Variants in NSA2 observed in about 807,000 individuals in gnomAD.
NSA2 encodes ribosome biogenesis protein NSA2 homolog.
Under a neutral mutation model 34.8 loss-of-function variants are expected in NSA2, and 18 were observed. That is an observed-to-expected ratio of 0.52 (90% CI 0.36 to 0.77). NSA2 has a LOEUF of 0.77. Among genes scored for constraint, NSA2 ranks in the 30% least tolerant of loss-of-function variants. NSA2 has a pLI of 0.00. For missense variants in NSA2, 188 were observed against 314.7 expected (o/e 0.60, Z 3.05); for synonymous variants, 79 against 100.2 (o/e 0.79, Z 1.26).
chr5:74,772,868 C>T (rs112523243), intron 4 of NSA2, among the ~76,000 whole-genome samples: 1 of 152,146 alleles, frequency 6.6e-6, no homozygotes, highest in African/African-American at 2.4e-5. Context: ...CATCCCCATG[C>T]ACACAAAAAT....
In NSA2 at chr5:74,777,102, TTTG is replaced by T. The variant is rs1274824148; in HGVS notation, c.*434_*436del. 6.5e-6 allele frequency: 1 copy of T among 154,426 alleles called. No individual in the cohort carries two copies. The highest frequency in any genetic ancestry group is 1.4e-5 in the Non-Finnish European group (1 of 69,698). The allele number at this position is 154,426 out of a possible 1,614,324, so 9.6% of individuals were successfully genotyped here. A position where few individuals can be genotyped will look rare whatever the true frequency, so the allele number is the denominator to read the frequency against. ...TAATACAGATGTTAAGTTTATAGTG[TTTG>T]TTTACACTAGAAGTATGTGAGAAGA... On this transcript the variant is annotated 3_prime_UTR_variant, in exon 6 of 6. Coordinates refer to ENST00000610426, the MANE Select transcript of NSA2 (RefSeq NM_014886.6).
intron 4 of NSA2, among the ~76,000 whole-genome samples, chr5:74,773,267 G>A (rs954578132): frequency 1.3e-5 from 2 of 151,764 alleles, no homozygotes; most frequent in African/African-American, 2.4e-5. Context: ...AAAGTCCTTA[G>A]TAAGTCTAAG....
chr5:74,776,514 G>GGA, intron 5 of NSA2, 90 bp from the exon 6 acceptor site: 1 of 730,876 alleles, frequency 1.4e-6, no homozygotes, highest in South Asian at 1.6e-5. Flanking sequence ...AAGACAAAAA[G>GGA]AAAAAAAAGG....
In NSA2 at chr5:74,776,517, A is replaced by AG. The variant is rs1458841090; in HGVS notation, c.716-87_716-86insG. On this transcript the variant is annotated intron_variant, in intron 5 of 5. Coordinates refer to ENST00000610426, the MANE Select transcript of NSA2 (RefSeq NM_014886.6). ...AAACCCTGTATTAAGACAAAAAGAAAAAAAAGGCAAAAGTTATATTCTTTA... is the reference window on the plus strand; with the variant it reads ...AAACCCTGTATTAAGACAAAAAGAAAGAAAAAGGCAAAAGTTATATTCTTTA... 5.2e-6 allele frequency: 4 copies of AG among 765,402 alleles called. No individual in the cohort carries two copies. The African/African-American group carries it at 7.1e-5, about 14-fold the overall frequency. 47.4% of individuals were successfully genotyped at this position (765,402 alleles called of 1,614,324 possible). A position where few individuals can be genotyped will look rare whatever the true frequency, so the allele number is the denominator to read the frequency against.
chr5:74,767,422 G>T (rs1309522364), intron 1 of NSA2, 59 bp downstream of exon 1: 9 of 1,604,398 alleles, frequency 5.6e-6, no homozygotes, highest in Admixed American at 5.0e-5. Context: ...GGGACCTGAG[G>T]ACTCTGGGGC....
chr5:74,779,959 ATTT>A lies in NSA2; in HGVS notation c.*3291_*3293del, dbSNP rs1745329363. On this transcript the variant is annotated 3_prime_UTR_variant, in exon 6 of 6. Coordinates refer to ENST00000610426, the MANE Select transcript of NSA2 (RefSeq NM_014886.6). ...TTTGCATAAGGATCAAGATCAAGCT[ATTT>A]TTAAAACAATTTAAATGGTCTCAAA... 6.6e-6 allele frequency: 1 copy of A among 152,248 alleles called. No homozygotes were observed. Among genetic ancestry groups the A allele is most frequent in the South Asian group, 2.1e-4 (1 of 4,836 alleles). The allele number at this position is 152,248 out of a possible 1,614,324, so 9.4% of individuals were successfully genotyped here. A position where few individuals can be genotyped will look rare whatever the true frequency, so the allele number is the denominator to read the frequency against.
chr5:74,770,331 TA>T (rs58512296), intron 3 of NSA2, among the ~76,000 whole-genome samples: 3,373 of 101,552 alleles, frequency 0.033, 114 homozygotes, highest in African/African-American at 0.1. Flanking sequence ...AGACTCCATC[TA>T]AAAAAAAAAA....
intron 1 of NSA2, among the ~76,000 whole-genome samples, chr5:74,768,360 T>G (rs1266463915): frequency 6.6e-6 from 1 of 152,218 alleles, no homozygotes; most frequent in Non-Finnish European, 1.5e-5. Context: ...CAAAAGGCTA[T>G]GTACTACTGT....
intron 4 of NSA2, chr5:74,771,559 AT>A (rs1744929119): frequency 6.6e-6 from 1 of 152,064 alleles, no homozygotes; most frequent in African/African-American, 2.4e-5. Context: ...TTTGAAAATC[AT>A]TGAAAAGCCG....
intron 5 of NSA2, among the ~76,000 whole-genome samples, chr5:74,774,737 A>G (rs1745056159): frequency 6.7e-6 from 1 of 148,432 alleles, no homozygotes; most frequent in South Asian, 2.1e-4. Context: ...TATCAAACAT[A>G]TTTTAAAAGT....
chr5:74,768,849 T>C (rs1744813106), intron 1 of NSA2, 82 bp from the exon 2 acceptor site: 8 of 970,564 alleles, frequency 8.2e-6, no homozygotes, highest in Non-Finnish European at 1.5e-6. Flanking sequence ...AAACAGGGTC[T>C]TTGTGCTGTG....
In NSA2 at chr5:74,776,750, C is replaced by CCAAA. The variant is rs1402073737; in HGVS notation, c.*82_*85dup. 1.9e-5 allele frequency: 15 copies of CCAAA among 776,338 alleles called. No individual in the cohort carries two copies. The highest frequency in any genetic ancestry group is 4.4e-5 in the South Asian group (3 of 68,460). 48.1% of individuals were successfully genotyped at this position (776,338 alleles called of 1,614,324 possible). On this transcript the variant is annotated 3_prime_UTR_variant, in exon 6 of 6. Transcript: ENST00000610426. ...ATTACTGTGATGTTTCTGAATACTA[C>CCAAA]CAAACAGCCATACATGTCTGCAATG...
rs1745330186 is a variant in NSA2, at chr5:74,779,976, AATGGTC to A, written c.*3306_*3311del. On this transcript the variant is annotated 3_prime_UTR_variant, in exon 6 of 6. Coordinates refer to ENST00000610426, the MANE Select transcript of NSA2 (RefSeq NM_014886.6). ...ATCAAGCTATTTTTAAAACAATTTAAATGGTCTCAAAACATTCTCCAACTTAAGTGC... is the reference window on the plus strand; with the variant it reads ...ATCAAGCTATTTTTAAAACAATTTAATCAAAACATTCTCCAACTTAAGTGC... The A allele has an allele frequency of 6.6e-6, 1 of 152,236 alleles. No individual in the cohort carries two copies. The highest frequency in any genetic ancestry group is 2.1e-4 in the South Asian group (1 of 4,834). 9.4% of individuals were successfully genotyped at this position (152,236 alleles called of 1,614,324 possible). A position where few individuals can be genotyped will look rare whatever the true frequency, so the allele number is the denominator to read the frequency against.
intron 5 of NSA2, among the ~76,000 whole-genome samples, chr5:74,774,664 A>G (rs1454010318): frequency 1.3e-5 from 2 of 152,172 alleles, no homozygotes; most frequent in South Asian, 2.1e-4. Flanking sequence ...ATGCAAAGTT[A>G]TAACTAAGAA....
chr5:74,773,790 G>C, intron 4 of NSA2, 78 bp from the exon 5 acceptor site: 1 of 1,132,790 alleles, frequency 8.8e-7, no homozygotes, highest in Non-Finnish European at 1.2e-6. Context: ...GGTTGAAAAA[G>C]ATAAGCGAAA....
intron 1 of NSA2, among the ~76,000 whole-genome samples, chr5:74,767,941 G>C (rs1322032985): frequency 6.6e-6 from 1 of 152,228 alleles, no homozygotes; most frequent in African/African-American, 2.4e-5. Context: ...GTTGGTAGCA[G>C]CACACCTTGT....
At chr5:74,775,694 A>G (rs1367652859) in intron 5 of NSA2, among the ~76,000 whole-genome samples, 1 of 151,496 alleles carries the variant, frequency 6.6e-6, no homozygotes, top group Non-Finnish European at 1.5e-5. Context: ...TTATAACTAA[A>G]AAAAATTGTA....
Position 74,777,592 on chromosome 5 carries a change from T to A in NSA2, c.*921T>A, listed in dbSNP as rs1408832468. 9.3e-6 allele frequency: 1 copy of A among 107,422 alleles called. No individual in the cohort carries two copies. 6.7% of individuals were successfully genotyped at this position (107,422 alleles called of 1,614,324 possible). ...CACCACATTGTTTTAAATTGTTTAT[T>A]TTTTTTTTAAAGAAGTCTGTCTTCA... is the stretch of plus-strand genomic sequence containing the variant. On this transcript the variant is annotated 3_prime_UTR_variant, in exon 6 of 6. Transcript: ENST00000610426.
chr5:74,771,491 G>A (rs1744926617), intron 4 of NSA2: 3 of 152,086 alleles, frequency 2.0e-5, no homozygotes, highest in African/African-American at 7.2e-5. Flanking sequence ...TCGAAAACTT[G>A]AGTAGGACTG....
Sources: allele counts gnomAD v4.1 joint callset (sites outside exome capture counted in the v4.1 genomes callset), GRCh38; gene constraint gnomAD v4.1.1; transcripts MANE v1.5; gene names NCBI Gene and HGNC (gene_info 2026-07-23, HGNC 2026-07-21).